Variants in TTC28 observed in about 807,000 individuals in gnomAD.
TTC28 encodes tetratricopeptide repeat protein 28.
A neutral mutation model predicts 198.0 loss-of-function variants in TTC28; 61 were observed. The observed-to-expected ratio is 0.31, with a 90% confidence interval of 0.25 to 0.38. The LOEUF is 0.38. TTC28 is among the 10% of genes least tolerant of loss of function. The pLI, the probability that TTC28 is intolerant of heterozygous loss-of-function variation, is 1.00. For missense variants in TTC28, 2,678 were observed against 3,164.0 expected (o/e 0.85, Z 3.69); for synonymous variants, 1,171 against 1,297.8 (o/e 0.90, Z 2.10).
rs1479263694 is a variant in TTC28, at chr22:28,417,568, G to A, written c.382-110925C>T. Among the ~76,000 whole-genome samples the A allele has an allele frequency of 3.9e-5, 6 of 152,088 alleles. No homozygotes were observed. The South Asian group carries it at 8.3e-4, about 21-fold the overall frequency. ...TAGACGACATATGGCTGACTTAGAC[G>A]ACTCAGGAATTTACAAGGTTTAGAT... On this transcript the variant is annotated intron_variant, in intron 2 of 22. Coordinates refer to ENST00000397906, the MANE Select transcript of TTC28 (RefSeq NM_001145418.2).
chr22:28,204,154 A>G (rs184280723), intron 5 of TTC28, among the ~76,000 whole-genome samples: 2 of 152,240 alleles, frequency 1.3e-5, no homozygotes, highest in East Asian at 3.9e-4. Context: ...GACTTCAGCA[A>G]ATAGTTTATC....
chr22:28,156,332 A>T (rs1282348173), intron 6 of TTC28, among the ~76,000 whole-genome samples: 8 of 152,222 alleles, frequency 5.3e-5, no homozygotes, highest in Admixed American at 5.2e-4. Flanking sequence ...GACTGGAGTG[A>T]TGTATCCTGA....
At chr22:28,319,206 T>G (rs1199416069) in intron 2 of TTC28, among the ~76,000 whole-genome samples, 1 of 152,216 alleles carries the variant, frequency 6.6e-6, no homozygotes, top group East Asian at 1.9e-4. Context: ...CTTTCTGCCC[T>G]GTTCTCATCA....
At chr22:28,071,231 G>A (rs1940955303) in intron 12 of TTC28, among the ~76,000 whole-genome samples, 1 of 151,894 alleles carries the variant, frequency 6.6e-6, no homozygotes, top group South Asian at 2.1e-4. Flanking sequence ...CCCATTACTG[G>A]GTATATACCC....
chr22:28,466,595 T>C (rs1227022626), intron 2 of TTC28, among the ~76,000 whole-genome samples: 1 of 152,194 alleles, frequency 6.6e-6, no homozygotes, highest in Admixed American at 6.5e-5. Context: ...TAATCCTGCA[T>C]GGCCACATTT....
intron 1 of TTC28, among the ~76,000 whole-genome samples, chr22:28,653,186 A>C (rs1430807201): frequency 6.6e-6 from 1 of 152,090 alleles, no homozygotes; most frequent in African/African-American, 2.4e-5. Flanking sequence ...GAGCAGGTCT[A>C]CTCCCAGGAG....
chr22:28,462,586 C>G (rs1284224556), intron 2 of TTC28, among the ~76,000 whole-genome samples: 1 of 152,162 alleles, frequency 6.6e-6, no homozygotes, highest in Non-Finnish European at 1.5e-5. Context: ...ATAATAATGA[C>G]AACAACTGCA....
chr22:28,062,936 T>C (rs1940608957), intron 12 of TTC28, among the ~76,000 whole-genome samples: 1 of 152,240 alleles, frequency 6.6e-6, no homozygotes, highest in Admixed American at 6.5e-5. Context: ...GAATCACATT[T>C]TCCTGGTTCT....
chr22:27,989,129 C>A (rs1381025540), intron 21 of TTC28, among the ~76,000 whole-genome samples: 1 of 152,158 alleles, frequency 6.6e-6, no homozygotes, highest in Non-Finnish European at 1.5e-5. Flanking sequence ...TCAACAGATG[C>A]ACCATTACAG....
intron 12 of TTC28, among the ~76,000 whole-genome samples, chr22:28,064,592 T>C (rs1940681737): frequency 6.6e-6 from 1 of 152,114 alleles, no homozygotes; most frequent in African/African-American, 2.4e-5. Flanking sequence ...ATAAAAATAT[T>C]TTACTCCATA....
intron 5 of TTC28, among the ~76,000 whole-genome samples, chr22:28,264,651 G>A (rs913747562): frequency 3.3e-5 from 5 of 152,146 alleles, no homozygotes; most frequent in Admixed American, 1.3e-4. Context: ...GTGTGGGCGC[G>A]TGTGCTTAAA....
chr22:28,204,913 ACTTGCATATT>A (rs1342675563), intron 5 of TTC28, among the ~76,000 whole-genome samples: 34 of 152,302 alleles, frequency 2.2e-4, no homozygotes, highest in Non-Finnish European at 3.7e-4. Context: ...ATACTTTATT[ACTTGCATATT>A]CCCTGTCCTT....
intron 15 of TTC28, 26 bp from the exon 16 acceptor site, chr22:27,999,286 C>G (rs1937611105): frequency 1.3e-6 from 2 of 1,524,954 alleles, no homozygotes; most frequent in Non-Finnish European, 8.8e-7. Context: ...ACAAAGCAGA[C>G]CACCCGTCAG....
At chr22:28,392,623 C>A (rs1475812650) in intron 2 of TTC28, among the ~76,000 whole-genome samples, 1 of 152,168 alleles carries the variant, frequency 6.6e-6, no homozygotes, top group Non-Finnish European at 1.5e-5. Context: ...CGTCTGTCAC[C>A]CCTTTCTTTG....
intron 2 of TTC28, among the ~76,000 whole-genome samples, chr22:28,531,913 T>C (rs1313978404): frequency 2.6e-5 from 4 of 152,188 alleles, no homozygotes; most frequent in East Asian, 3.8e-4. Flanking sequence ...TAAAGCAGTG[T>C]GTAGAGGGAA....
chr22:28,411,340 G>A (rs1366988457), intron 2 of TTC28, among the ~76,000 whole-genome samples: 4 of 152,118 alleles, frequency 2.6e-5, no homozygotes, highest in Non-Finnish European at 5.9e-5. Context: ...TTATGAAAAG[G>A]CATTCCTACT....
intron 12 of TTC28, among the ~76,000 whole-genome samples, chr22:28,031,288 A>G (rs545039565): frequency 2.6e-5 from 4 of 152,288 alleles, no homozygotes; most frequent in South Asian, 2.1e-4. Flanking sequence ...GCACATCTCT[A>G]TGTTGAGCCC....
intron 2 of TTC28, among the ~76,000 whole-genome samples, chr22:28,370,676 A>G (rs1163317025): frequency 6.6e-6 from 1 of 152,228 alleles, no homozygotes; most frequent in Non-Finnish European, 1.5e-5. Flanking sequence ...GTAAAGATAC[A>G]GAGAAGTAAA....
chr22:28,430,532 G>A (rs550040390), intron 2 of TTC28, among the ~76,000 whole-genome samples: 1 of 152,238 alleles, frequency 6.6e-6, no homozygotes, highest in Non-Finnish European at 1.5e-5. Flanking sequence ...CAAACAAAAT[G>A]AGAATGGCAA....
Sources: gnomAD v4.1 joint callset for allele counts (sites outside exome capture counted in the v4.1 genomes callset) on GRCh38, gnomAD v4.1.1 for gene constraint, MANE v1.5 for transcripts, NCBI Gene and HGNC (gene_info 2026-07-23, HGNC 2026-07-21) for gene names.